SLC41A2: variants seen among roughly 807,000 people sequenced by gnomAD.
The protein encoded by SLC41A2 is solute carrier family 41 member 2, also known as SLC41A1-like 1.
In SLC41A2, 32 loss-of-function variants were observed where a neutral mutation model predicts 58.3. That is an observed-to-expected ratio of 0.55 (90% CI 0.41 to 0.74). The LOEUF (loss-of-function observed/expected upper bound fraction) is 0.74. Ranked by LOEUF, SLC41A2 falls within the 30% of genes least tolerant of loss-of-function variation. The probability of loss-of-function intolerance (pLI) is 0.00; values close to 1 mark genes in which losing one functional copy is unlikely to be tolerated. For missense variants in SLC41A2, 514 were observed against 680.6 expected (o/e 0.76, Z 2.72); for synonymous variants, 190 against 235.0 (o/e 0.81, Z 1.75).
At chr12:104,823,474 T>A (rs1409262839) in intron 10 of SLC41A2, among the ~76,000 whole-genome samples, 1 of 152,086 alleles carries the variant, frequency 6.6e-6, no homozygotes, top group African/African-American at 2.4e-5. Context: ...GACCTGCATA[T>A]ATATATATAT....
intron 10 of SLC41A2, among the ~76,000 whole-genome samples, chr12:104,829,711 C>T (rs926514478): frequency 1.3e-5 from 2 of 152,008 alleles, no homozygotes; most frequent in African/African-American, 4.8e-5. Flanking sequence ...GCCCTCCAAG[C>T]AACAGCCTTT....
At chr12:104,877,283 T>C (rs1158404488) in intron 6 of SLC41A2, among the ~76,000 whole-genome samples, 1 of 152,210 alleles carries the variant, frequency 6.6e-6, no homozygotes, top group Non-Finnish European at 1.5e-5. Context: ...ATCCAACTGC[T>C]GATCTTAGGA....
intron 3 of SLC41A2, among the ~76,000 whole-genome samples, chr12:104,905,065 G>A (rs1377023348): frequency 6.6e-6 from 1 of 151,984 alleles, no homozygotes; most frequent in Non-Finnish European, 1.5e-5. Context: ...CAATCCCTGA[G>A]CTAGATACAA....
At position 104,943,593 on chromosome 12, in the gene SLC41A2, G is replaced by T. The variant is rs539380289; in HGVS notation, c.-168+14495C>A. On this transcript the variant is annotated intron_variant, in intron 1 of 10. Transcript: ENST00000258538. ...TACTCCGATGTTAATGACATCGAAGGCACCTCTCCTGAGGAAATCTCAACT... is the reference window on the plus strand; with the variant it reads ...TACTCCGATGTTAATGACATCGAAGTCACCTCTCCTGAGGAAATCTCAACT... Among the ~76,000 whole-genome samples the T allele has an allele frequency of 2.1e-3, 319 of 152,260 alleles. 4 individuals are homozygous for T. The highest frequency in any genetic ancestry group is 3.6e-3 in the Non-Finnish European group (247 of 68,028).
chr12:104,886,434 T>C lies in SLC41A2; in HGVS notation c.886A>G (p.Ile296Val). Residue 296 changes from isoleucine (I) to valine (V), a missense_variant, in exon 6 of 11, where the codon ATA (isoleucine) becomes GTA (valine). By Grantham distance (29) the Ile-to-Val change is conservative (BLOSUM62 3). Around this residue, in one of 3 missense-constraint regions of SLC41A2, gnomAD observed 336 missense variants for 430.0 expected, o/e 0.78. Transcript: ENST00000258538. Reference sequence around the variant, plus strand: ...GAACCAACGATAACCCCAACCATTATTATTCCTAGAAGAAAGAATGTTCAT... The same window carrying C: ...GAACCAACGATAACCCCAACCATTACTATTCCTAGAAGAAAGAATGTTCAT... ...AFIASLLQGI[I>V]MVGVIVGSKK... The C allele has an allele frequency of 6.2e-7, 1 of 1,612,300 alleles. No individual in the cohort carries two copies. The highest frequency in any genetic ancestry group is 1.3e-5 in the African/African-American group (1 of 74,984).
intron 4 of SLC41A2, among the ~76,000 whole-genome samples, chr12:104,890,150 C>T (rs2044880846): frequency 6.6e-6 from 1 of 152,098 alleles, no homozygotes; most frequent in Non-Finnish European, 1.5e-5. Context: ...TCTCTGAAGC[C>T]AATCCACGTG....
intron 8 of SLC41A2, among the ~76,000 whole-genome samples, chr12:104,855,440 A>C (rs2042984808): frequency 6.6e-6 from 1 of 152,170 alleles, no homozygotes; most frequent in African/African-American, 2.4e-5. Context: ...TACTACATAC[A>C]TGTATATTCC....
chr12:104,855,309 A>T (rs2042980159), intron 8 of SLC41A2, among the ~76,000 whole-genome samples: 1 of 152,212 alleles, frequency 6.6e-6, no homozygotes. Flanking sequence ...GTTTAAGAAA[A>T]GGAATTCATT....
At chr12:104,855,148 T>C (rs183825029) in intron 8 of SLC41A2, among the ~76,000 whole-genome samples, 8 of 152,342 alleles carry the variant, frequency 5.3e-5, no homozygotes, top group African/African-American at 1.4e-4. Flanking sequence ...TTTCTTTTCA[T>C]TGTCAATTAA....
chr12:104,896,781 G>A (rs1032762089), intron 3 of SLC41A2, among the ~76,000 whole-genome samples: 1 of 152,200 alleles, frequency 6.6e-6, no homozygotes, highest in Non-Finnish European at 1.5e-5. Context: ...ATCACCACCA[G>A]TCCCTTCTAA....
chr12:104,850,671 T>C (rs1291490870), intron 8 of SLC41A2, among the ~76,000 whole-genome samples: 4 of 152,374 alleles, frequency 2.6e-5, no homozygotes, highest in African/African-American at 7.2e-5. Flanking sequence ...TTAAACATTA[T>C]TGTTTTAAGG....
At chr12:104,951,592 C>T (rs2047958889) in intron 1 of SLC41A2, 1 of 152,018 alleles carries the variant, frequency 6.6e-6, no homozygotes, top group Non-Finnish European at 1.5e-5. Context: ...TCTGTGAAGT[C>T]ATAATACTGT....
At chr12:104,897,245 A>C (rs561169234) in intron 3 of SLC41A2, among the ~76,000 whole-genome samples, 2 of 148,636 alleles carry the variant, frequency 1.3e-5, no homozygotes, top group Non-Finnish European at 3.0e-5. Flanking sequence ...TCCCAGGTTC[A>C]AGCAATTCTC....
rs1210386289 is a variant in SLC41A2 at position 104,878,313 on chromosome 12, A to ATATG, written c.1027+7979_1027+7980insCATA. On this transcript the variant is annotated intron_variant, in intron 6 of 10. Coordinates refer to ENST00000258538, the MANE Select transcript of SLC41A2 (RefSeq NM_001352171.3). The stretch of plus-strand genomic sequence containing the variant: ...ATACCTGTATTTTATATATATATAT[A>ATATG]TATATATATATATACATTTTTTAAG... 2.0e-5 allele frequency among the ~76,000 whole-genome samples: 3 copies of ATATG among 148,562 alleles called. No individual in the cohort carries two copies. The East Asian group carries it at 6.0e-4, about 30-fold the overall frequency.
intron 8 of SLC41A2, among the ~76,000 whole-genome samples, chr12:104,854,320 T>C (rs1230410220): frequency 6.6e-6 from 1 of 151,992 alleles, no homozygotes; most frequent in African/African-American, 2.4e-5. Context: ...TCCCAGCACT[T>C]TGGGAGGCCG....
chr12:104,811,502 A>G (rs975569432), intron 10 of SLC41A2, among the ~76,000 whole-genome samples: 1 of 152,230 alleles, frequency 6.6e-6, no homozygotes, highest in African/African-American at 2.4e-5. Context: ...GCAAGAATAG[A>G]TGCCAATTTA....
At chr12:104,832,632 G>C (rs1227000336) in intron 10 of SLC41A2, among the ~76,000 whole-genome samples, 2 of 152,070 alleles carry the variant, frequency 1.3e-5, no homozygotes, top group Non-Finnish European at 2.9e-5. Context: ...TATAGCTATA[G>C]ATAATACAAT....
At chr12:104,932,607 G>A (rs1210059266) in intron 1 of SLC41A2, among the ~76,000 whole-genome samples, 2 of 125,446 alleles carry the variant, frequency 1.6e-5, no homozygotes, top group African/African-American at 3.3e-5. Context: ...CCTGGGTGAC[G>A]CAGTGAGACT....
chr12:104,835,134 A>G (rs1003377520), intron 10 of SLC41A2, among the ~76,000 whole-genome samples: 1 of 152,234 alleles, frequency 6.6e-6, no homozygotes. Flanking sequence ...TTTCATCCTT[A>G]TAACAACCCA....
Sources: gnomAD v4.1 joint callset for allele counts (sites outside exome capture counted in the v4.1 genomes callset) on GRCh38, gnomAD v4.1.1 for gene constraint, gnomAD v4.1.1 regional missense constraint, MANE v1.5 for transcripts, NCBI Gene and HGNC (gene_info 2026-07-23, HGNC 2026-07-21) for gene names.